The following CELF4 variants were observed in gnomAD, a reference collection of about 807,000 sequenced individuals.
The protein encoded by CELF4 is CUG-BP- and ETR-3-like factor 4.
Under a neutral mutation model 59.9 loss-of-function variants are expected in CELF4, and 18 were observed. The ratio of observed to expected loss-of-function variants is 0.30; its 90% CI spans 0.21 to 0.45. The LOEUF (loss-of-function observed/expected upper bound fraction) is 0.45. CELF4 is among the 20% of genes least tolerant of loss of function. The pLI, the probability that CELF4 is intolerant of heterozygous loss-of-function variation, is 1.00. For missense variants in CELF4, 456 were observed against 689.0 expected (o/e 0.66, Z 3.79); for synonymous variants, 261 against 267.1 (o/e 0.98, Z 0.22).
At chr18:37,322,446 A>G (rs2097156561) in intron 2 of CELF4, among the ~76,000 whole-genome samples, 1 of 152,220 alleles carries the variant, frequency 6.6e-6, no homozygotes, top group African/African-American at 2.4e-5. Flanking sequence ...CTGGGGCTCC[A>G]TATTGCAGCC....
chr18:37,515,095 T>C (rs983775634), intron 1 of CELF4, among the ~76,000 whole-genome samples: 3 of 152,168 alleles, frequency 2.0e-5, no homozygotes, highest in Admixed American at 6.5e-5. Flanking sequence ...TGAGTGCTAT[T>C]ATTATTTGAT....
intron 2 of CELF4, among the ~76,000 whole-genome samples, chr18:37,401,085 G>A (rs2099320906): frequency 6.6e-6 from 1 of 152,214 alleles, no homozygotes; most frequent in Non-Finnish European, 1.5e-5. Flanking sequence ...CTGGTTCCCA[G>A]AGAGCTGTGA....
At chr18:37,260,624 C>T (rs1049283638) in intron 10 of CELF4, among the ~76,000 whole-genome samples, 2 of 152,210 alleles carry the variant, frequency 1.3e-5, no homozygotes, top group African/African-American at 4.8e-5. Context: ...ATGAGGCTGC[C>T]AGACAACCCA....
chr18:37,282,400 A>C (rs2094257075), intron 3 of CELF4, among the ~76,000 whole-genome samples: 1 of 152,156 alleles, frequency 6.6e-6, no homozygotes, highest in African/African-American at 2.4e-5. Flanking sequence ...GCATCCCTAC[A>C]TGGCATTTCC....
rs181739074 is a variant in CELF4, at chr18:37,388,082, G to T, written c.370-66201C>A. ...GGGGGAGGGGGGAGGGTACTGTACA[G>T]CGCAGTGTGATTTGGGTAAATCCTT... On this transcript the variant is annotated intron_variant, in intron 2 of 12. Coordinates refer to ENST00000420428, the MANE Select transcript of CELF4 (RefSeq NM_020180.4). Among the ~76,000 whole-genome samples the T allele has an allele frequency of 4.2e-3, 646 of 152,220 alleles. 3 individuals are homozygous for T. The highest frequency in any genetic ancestry group is 6.6e-3 in the Non-Finnish European group (452 of 68,020).
chr18:37,253,736 C>G lies in CELF4; in HGVS notation c.*44+31G>C. 1 of 1,514,430 alleles carries G rather than the reference C, an allele frequency of 6.6e-7. No individual in the cohort carries two copies. Among genetic ancestry groups the G allele is most frequent in the Non-Finnish European group, 8.9e-7 (1 of 1,123,468 alleles). 93.8% of individuals were successfully genotyped at this position (1,514,430 alleles called of 1,614,324 possible). ...GGTCCGTCTGGTTCCCTCCCAACCC[C>G]CGTCCCCGCGCCCCGGCCGCCCCCG... On this transcript the variant is annotated intron_variant, in intron 12 of 12. Transcript: ENST00000420428. This position sits in a 1 kb window ranked among gnomAD's most constrained non-coding sequence, Gnocchi z 4.5.
rs147903267 is a variant in CELF4 at position 37,282,005 on chromosome 18, G to A, written c.449-6762C>T. 2.9e-3 allele frequency among the ~76,000 whole-genome samples: 437 copies of A among 152,260 alleles called. 10 individuals carry two copies. The highest frequency in any genetic ancestry group is 0.02 in the Admixed American group (308 of 15,300). The stretch of plus-strand genomic sequence containing the variant: ...TGTCCTCCAGATACTAACTGAGGCT[G>A]TTTGTCAAATCCTAGTTCCACCACA... On this transcript the variant is annotated intron_variant, in intron 3 of 12. Transcript: ENST00000420428.
chr18:37,552,500 C>T (rs1024586116), intron 1 of CELF4, among the ~76,000 whole-genome samples: 1 of 152,366 alleles, frequency 6.6e-6, no homozygotes, highest in South Asian at 2.1e-4. Context: ...CAACTCCCGC[C>T]CCAGCAGGCT....
intron 1 of CELF4, among the ~76,000 whole-genome samples, chr18:37,491,703 G>A (rs1361518612): frequency 1.3e-5 from 2 of 152,184 alleles, no homozygotes; most frequent in Non-Finnish European, 1.5e-5. Context: ...GAGGCAGGCA[G>A]CGTGGGCAGC....
chr18:37,482,972 T>C (rs1231897521), intron 2 of CELF4, among the ~76,000 whole-genome samples: 2 of 152,156 alleles, frequency 1.3e-5, no homozygotes, highest in Non-Finnish European at 2.9e-5. Flanking sequence ...TTTTTTTCAA[T>C]TTCATTCTCT....
At chr18:37,398,876 G>A (rs1322089381) in intron 2 of CELF4, among the ~76,000 whole-genome samples, 1 of 152,094 alleles carries the variant, frequency 6.6e-6, no homozygotes, top group Non-Finnish European at 1.5e-5. Flanking sequence ...ACATCCCCTC[G>A]AGTGGCTGAG....
intron 2 of CELF4, among the ~76,000 whole-genome samples, chr18:37,483,035 CAAG>C (rs1032382678): frequency 2.6e-5 from 4 of 152,112 alleles, no homozygotes; most frequent in Non-Finnish European, 5.9e-5. Context: ...TCACCCCAGA[CAAG>C]AAGAAGTCCC....
At chr18:37,407,304 C>G (rs2099396046) in intron 2 of CELF4, among the ~76,000 whole-genome samples, 1 of 152,126 alleles carries the variant, frequency 6.6e-6, no homozygotes, top group Admixed American at 6.5e-5. Context: ...CAGTTCCTGC[C>G]AAGCTCTTTT....
intron 3 of CELF4, among the ~76,000 whole-genome samples, chr18:37,298,733 A>G (rs1362202411): frequency 6.6e-6 from 1 of 151,614 alleles, no homozygotes; most frequent in Non-Finnish European, 1.5e-5. Flanking sequence ...TCAAAAAAAA[A>G]AAAAAAAAAT....
rs1569569540 is a variant in CELF4, at chr18:37,470,872, GTGTGT to G, written c.369+14648_369+14652del. Among the ~76,000 whole-genome samples the G allele has an allele frequency of 3.1e-3, 379 of 120,892 alleles. 1 individual carries two copies. Among genetic ancestry groups the G allele is most frequent in the East Asian group, 0.015 (58 of 3,780 alleles). The allele number at this position is 120,892 out of a possible 152,430, so 79.3% of individuals were successfully genotyped here. ...TGTGTGTGTGTGTGTGTGTGTGTGT[GTGTGT>G]GTGTGTGTGTGACAGAGAGAGAGAG... On this transcript the variant is annotated intron_variant, in intron 2 of 12. Coordinates refer to ENST00000420428, the MANE Select transcript of CELF4 (RefSeq NM_020180.4).
intron 2 of CELF4, among the ~76,000 whole-genome samples, chr18:37,328,768 C>T (rs2154529551): frequency 6.6e-6 from 1 of 152,250 alleles, no homozygotes; most frequent in African/African-American, 2.4e-5. Flanking sequence ...CCCTCCAACC[C>T]CACCCCAGCA....
At chr18:37,508,783 A>G (rs1177358012) in intron 1 of CELF4, among the ~76,000 whole-genome samples, 1 of 152,192 alleles carries the variant, frequency 6.6e-6, no homozygotes, top group Admixed American at 6.5e-5. Context: ...GGGAAGCAGG[A>G]GGGGTGGTGG....
intron 2 of CELF4, among the ~76,000 whole-genome samples, chr18:37,454,968 C>T (rs1172382757): frequency 6.6e-6 from 1 of 152,168 alleles, no homozygotes; most frequent in Non-Finnish European, 1.5e-5. Flanking sequence ...GTCAGCTCTG[C>T]CGTGGCCAAA....
intron 1 of CELF4, among the ~76,000 whole-genome samples, chr18:37,512,372 C>T (rs975929934): frequency 1.3e-5 from 2 of 151,788 alleles, no homozygotes; most frequent in East Asian, 3.9e-4. Flanking sequence ...AAGGCATTGT[C>T]TTCTTTCCTC....
Sources: gnomAD v4.1 joint callset for allele counts (sites outside exome capture counted in the v4.1 genomes callset) on GRCh38, gnomAD v4.1.1 for gene constraint, Gnocchi (gnomAD v3.1) non-coding constraint, MANE v1.5 for transcripts, NCBI Gene and HGNC (gene_info 2026-07-23, HGNC 2026-07-21) for gene names.